Variants in PRAMEF11 observed in about 807,000 individuals in gnomAD.
The protein encoded by PRAMEF11 is PRAME family member 11.
A neutral mutation model predicts 33.6 loss-of-function variants in PRAMEF11; 17 were observed. The ratio of observed to expected loss-of-function variants is 0.51; its 90% CI spans 0.35 to 0.76. PRAMEF11 has a LOEUF of 0.76. PRAMEF11 is among the 30% of genes least tolerant of loss of function. The pLI is 0.01. For missense variants in PRAMEF11, 568 were observed against 567.0 expected (o/e 1.00, Z -0.02); for synonymous variants, 205 against 227.3 (o/e 0.90, Z 0.88).
rs760048423 is a variant in PRAMEF11, at chr1:12,825,068, C to A, written c.1311G>T (p.Arg437Ser). Reference protein sequence around the residue: ...TLCWSRFAQIRAELMKKVRHL... With the variant: ...TLCWSRFAQISAELMKKVRHL... The stretch of plus-strand genomic sequence containing the variant: ...GCCTCACTTTCTTCATCAGCTCAGC[C>A]CTAATTTGAGCAAATCTGCTCCAGC... Residue 437 changes from arginine (R) to serine (S), a missense_variant, in exon 4 of 4, where the codon AGG becomes AGT. Arg to Ser is a moderately radical substitution (Grantham distance 110). Coordinates refer to ENST00000619922, the MANE Select transcript of PRAMEF11 (RefSeq NM_001146344.3). 1.2e-6 allele frequency: 2 copies of A among 1,609,678 alleles called. No homozygotes were observed. The highest frequency in any genetic ancestry group is 1.7e-6 in the Non-Finnish European group (2 of 1,177,730).
chr1:12,827,924 G>C lies in PRAMEF11; in HGVS notation c.294-94C>G, dbSNP rs55935187. ...ATAGCAGCTCCTCCCCTCCCTGCTTGTTGTCCCTCTCTCTGAGTTTTCTTC... is the reference window on the plus strand; with the variant it reads ...ATAGCAGCTCCTCCCCTCCCTGCTTCTTGTCCCTCTCTCTGAGTTTTCTTC... On this transcript the variant is annotated intron_variant, in intron 2 of 3. Transcript: ENST00000619922. 6.2e-3 allele frequency: 9,511 copies of C among 1,546,416 alleles called. 308 individuals are homozygous for C. The highest frequency in any genetic ancestry group is 0.054 in the African/African-American group (3,940 of 73,570).
rs1295056584 is a variant in PRAMEF11, at chr1:12,828,682, T to A, written c.108A>T (p.Glu36Asp). 1.2e-6 allele frequency: 2 copies of A among 1,610,442 alleles called. No homozygotes were observed. The highest frequency in any genetic ancestry group is 1.7e-6 in the Non-Finnish European group (2 of 1,178,066). ...CCTCCATGAACAGTGGGGGGAAAAG[T>A]TCCGTGGGCAGCTCCTCCAGGGTGG... ...AVSTLEELPTELFPPLFMEAF... is the reference protein window; with the variant it reads ...AVSTLEELPTDLFPPLFMEAF... Residue 36 changes from glutamate (E) to aspartate (D), a missense_variant, in exon 2 of 4, where the codon GAA becomes GAT. Physicochemically the swap from Glu to Asp is conservative, Grantham distance 45 (BLOSUM62 2). Around this residue, in one of 3 missense-constraint regions of PRAMEF11, gnomAD observed 342 missense variants for 312.0 expected, o/e 1.10. Transcript: ENST00000619922.
intron 1 of PRAMEF11, among the ~76,000 whole-genome samples, chr1:12,830,379 C>T (rs969990041): frequency 2.0e-5 from 3 of 151,240 alleles, no homozygotes; most frequent in African/African-American, 7.3e-5. Context: ...CCTCGGCCTC[C>T]AAGATTCAAG....
Position 12,824,779 on chromosome 1 carries a change from C to T in PRAMEF11, c.*163G>A. 1.7e-6 allele frequency: 2 copies of T among 1,153,004 alleles called. No individual in the cohort carries two copies. The highest frequency in any genetic ancestry group is 2.4e-6 in the Non-Finnish European group (2 of 821,754). 71.4% of individuals were successfully genotyped at this position (1,153,004 alleles called of 1,614,324 possible). On this transcript the variant is annotated 3_prime_UTR_variant, in exon 4 of 4. Transcript: ENST00000619922. ...CATTGAATCCATGGCAACATTTCCC[C>T]CAAGTCCTGCCCCTGCTTGATCAGC...
At chr1:12,829,937 C>T (rs1769784) in intron 1 of PRAMEF11, among the ~76,000 whole-genome samples, 62,115 of 149,806 alleles carry the variant, frequency 0.41, 14,418 homozygotes, top group African/African-American at 0.57. Flanking sequence ...GATTGGATTT[C>T]TGACTTTCTT....
intron 3 of PRAMEF11, 129 bp downstream of exon 3, chr1:12,827,120 A>G: frequency 1.0e-5 from 16 of 1,557,540 alleles, no homozygotes; most frequent in Non-Finnish European, 1.4e-5. Context: ...CAACAGGACA[A>G]TGCATGGACA....
intron 3 of PRAMEF11, 130 bp from the exon 4 acceptor site, chr1:12,825,633 G>T: frequency 1.7e-6 from 1 of 581,434 alleles, no homozygotes; most frequent in South Asian, 2.1e-5. Context: ...TGGCCGGATG[G>T]TCAACACTTC....
intron 2 of PRAMEF11, 46 bp downstream of exon 2, chr1:12,828,451 G>T: frequency 1.3e-6 from 2 of 1,568,278 alleles, no homozygotes; most frequent in Non-Finnish European, 1.7e-6. Flanking sequence ...TGTTCCTTCA[G>T]TTGGACACCT....
intron 1 of PRAMEF11, among the ~76,000 whole-genome samples, chr1:12,829,484 C>G (rs141527040): frequency 2.6e-5 from 4 of 151,150 alleles, no homozygotes; most frequent in Non-Finnish European, 5.9e-5. Context: ...TCAGTGCAGC[C>G]TTGACCTCCC....
intron 1 of PRAMEF11, among the ~76,000 whole-genome samples, chr1:12,831,073 G>T (rs1639996119): frequency 6.6e-6 from 1 of 150,416 alleles, no homozygotes; most frequent in South Asian, 2.2e-4. Context: ...CCCCTGGGCT[G>T]AAATGATCCT....
chr1:12,824,754 C>T lies in PRAMEF11; in HGVS notation c.*188G>A. 1 of 911,886 alleles carries T rather than the reference C, an allele frequency of 1.1e-6. No homozygotes were observed. The allele number at this position is 911,886 out of a possible 1,614,324, so 56.5% of individuals were successfully genotyped here. A position where few individuals can be genotyped will look rare whatever the true frequency, so the allele number is the denominator to read the frequency against. ...TACAGGATACAGGTTCCCAAAGTCC[C>T]ATTGAATCCATGGCAACATTTCCCC... On this transcript the variant is annotated 3_prime_UTR_variant, in exon 4 of 4. Coordinates refer to ENST00000619922, the MANE Select transcript of PRAMEF11 (RefSeq NM_001146344.3).
chr1:12,828,714 C>T lies in PRAMEF11; in HGVS notation c.76G>A (p.Ala26Thr), dbSNP rs533813535. 1.1e-4 allele frequency: 184 copies of T among 1,610,356 alleles called. 3 individuals carry two copies. The highest frequency in any genetic ancestry group is 5.6e-5 in the Non-Finnish European group (66 of 1,178,046). The change falls in exon 2 of 4, where the codon GCC (alanine) becomes ACC (threonine). Residue 26 changes from alanine to threonine, a missense_variant. Transcript: ENST00000619922. ...GGCAGCTCCTCCAGGGTGGAGACGG[C>T]CAAGGCTTGGTCCCTCAGCAGGCTC... is the stretch of plus-strand genomic sequence containing the variant. Reference protein sequence around the residue: ...GRSLLRDQALAVSTLEELPTE... With the variant: ...GRSLLRDQALTVSTLEELPTE...
At chr1:12,826,681 G>C (rs1260555378) in intron 3 of PRAMEF11, among the ~76,000 whole-genome samples, 1 of 151,356 alleles carries the variant, frequency 6.6e-6, no homozygotes, top group Non-Finnish European at 1.5e-5. Flanking sequence ...AGAATCGCTT[G>C]AACCTGGGAG....
Position 12,824,904 on chromosome 1 carries a change from A to G in PRAMEF11, c.*38T>C, listed in dbSNP as rs749311590. ...AGGTTTTAGTTTCCAAGTGTCCAGA[A>G]GAAAGCGTTTGACATACCCATCCAA... On this transcript the variant is annotated 3_prime_UTR_variant, in exon 4 of 4. Transcript: ENST00000619922. 5 of 1,605,294 alleles carry G rather than the reference A, an allele frequency of 3.1e-6. No homozygotes were observed. The Admixed American group carries it at 8.5e-5, about 27-fold the overall frequency.
intron 2 of PRAMEF11, among the ~76,000 whole-genome samples, chr1:12,828,034 A>G (rs372607675): frequency 3.3e-4 from 49 of 148,842 alleles, no homozygotes; most frequent in African/African-American, 8.9e-4. Context: ...CGCCCAGGCT[A>G]GAGTGCAGTG....
At position 12,825,323 on chromosome 1, in the gene PRAMEF11, G is replaced by A. The variant is rs1639836818; in HGVS notation, c.1056C>T (p.Ala352=). The change falls in exon 4 of 4, where the codon GCC becomes GCT. Residue 352 remains alanine, a synonymous_variant. Transcript: ENST00000619922. ...CATCTAAATCCAGGTACTCAAGGGT[G>A]GCTGCAACTTTTTCTAGGAGAATTT... ...PLQILLEKVA[A]TLEYLDLDDC... 2.5e-6 allele frequency: 4 copies of A among 1,588,772 alleles called. 1 individual carries two copies.
Position 12,824,791 on chromosome 1 carries a change from C to T in PRAMEF11, c.*151G>A, listed in dbSNP as rs1473484059. On this transcript the variant is annotated 3_prime_UTR_variant, in exon 4 of 4. Transcript: ENST00000619922. Reference sequence around the variant, plus strand: ...GGCAACATTTCCCCCAAGTCCTGCCCCTGCTTGATCAGCTTTCCTTTCCCA... The same window carrying T: ...GGCAACATTTCCCCCAAGTCCTGCCTCTGCTTGATCAGCTTTCCTTTCCCA... The T allele has an allele frequency of 6.3e-6, 8 of 1,266,800 alleles. No homozygotes were observed. Among genetic ancestry groups the T allele is most frequent in the East Asian group, 4.9e-5 (2 of 41,080 alleles). 78.5% of individuals were successfully genotyped at this position (1,266,800 alleles called of 1,614,324 possible). A position where few individuals can be genotyped will look rare whatever the true frequency, so the allele number is the denominator to read the frequency against.
intron 1 of PRAMEF11, 51 bp from the exon 2 acceptor site, chr1:12,828,856 T>A: frequency 1.2e-6 from 2 of 1,602,588 alleles, no homozygotes; most frequent in South Asian, 2.2e-5. Flanking sequence ...GCCAAGCCCA[T>A]GCAATCTCAT....
chr1:12,828,567 G>C lies in PRAMEF11; in HGVS notation c.223C>G (p.Pro75Ala), dbSNP rs57441393. The change falls in exon 2 of 4, where the codon CCT (proline) becomes GCT (alanine). Residue 75 changes from proline (P) to alanine (A), a missense_variant. Pro to Ala is a conservative substitution (Grantham distance 27, BLOSUM62 -1). Transcript: ENST00000619922. ...RLPLRPLIKM[P>A]CLEAFQAVLD... ...ACAGCTTGGAAGGCCTCCAGACAAG[G>C]CATCTTTATCAGAGGCCTCAGAGGG... is the stretch of plus-strand genomic sequence containing the variant. 3.4e-5 allele frequency: 54 copies of C among 1,605,888 alleles called. 2 individuals carry two copies. The highest frequency in any genetic ancestry group is 4.1e-5 in the Non-Finnish European group (48 of 1,176,234).
Sources: allele counts gnomAD v4.1 joint callset (sites outside exome capture counted in the v4.1 genomes callset), GRCh38; gene constraint gnomAD v4.1.1; regional missense constraint gnomAD v4.1.1; transcripts MANE v1.5; gene names NCBI Gene and HGNC (gene_info 2026-07-23, HGNC 2026-07-21).